Variants in RC3H2 observed in about 807,000 individuals in gnomAD.
RC3H2 encodes ring finger and CCCH-type domains 2, also known as roquin-2.
In RC3H2, 31 loss-of-function variants were observed where a neutral mutation model predicts 133.3. That is an observed-to-expected ratio of 0.23 (90% CI 0.17 to 0.31). The LOEUF (loss-of-function observed/expected upper bound fraction) is 0.31, where lower values mean the gene tolerates loss of function less well. Among genes scored for constraint, RC3H2 ranks in the 10% least tolerant of loss-of-function variants. The pLI is 1.00. For synonymous variants in RC3H2, 517 were observed against 502.2 expected (o/e 1.03, Z -0.40); for missense variants, 1,175 against 1,437.2 (o/e 0.82, Z 2.95).
At chr9:122,883,122 G>T in intron 5 of RC3H2, 82 bp downstream of exon 5, 1 of 1,270,766 alleles carries the variant, frequency 7.9e-7, no homozygotes, top group Non-Finnish European at 1.1e-6. Flanking sequence ...CATTGCTAGG[G>T]CCTCTAGACT....
chr9:122,868,056 C>T (rs2131418807), intron 9 of RC3H2, among the ~76,000 whole-genome samples: 1 of 129,302 alleles, frequency 7.7e-6, no homozygotes, highest in South Asian at 2.9e-4. Flanking sequence ...GCCGCTCCGT[C>T]CGGGAGGGAG....
chr9:122,889,122 T>C (rs2131482954), intron 4 of RC3H2, among the ~76,000 whole-genome samples: 1 of 152,314 alleles, frequency 6.6e-6, no homozygotes, highest in South Asian at 2.1e-4. Context: ...TAGTCCTCTG[T>C]GTATGTTTGT....
At chr9:122,899,228 A>G (rs1174107321) in intron 1 of RC3H2, among the ~76,000 whole-genome samples, 2 of 149,948 alleles carry the variant, frequency 1.3e-5, no homozygotes, top group African/African-American at 4.9e-5. Flanking sequence ...TTGGCCTCCC[A>G]AGTAACTGGG....
intron 9 of RC3H2, among the ~76,000 whole-genome samples, chr9:122,868,858 TG>T (rs1313508222): frequency 7.0e-4 from 12 of 17,244 alleles, no homozygotes; most frequent in Admixed American, 1.5e-3. Flanking sequence ...TGTGTGTGTG[TG>T]TGTGTGTGTG....
At chr9:122,853,709 G>T in intron 18 of RC3H2, 1 of 1,009,130 alleles carries the variant, frequency 9.9e-7, no homozygotes, top group Non-Finnish European at 1.4e-6. Context: ...CCAAGATCGT[G>T]CCATTGCACT....
At chr9:122,866,668 A>C (rs1468794846) in intron 9 of RC3H2, among the ~76,000 whole-genome samples, 2 of 151,996 alleles carry the variant, frequency 1.3e-5, no homozygotes, top group Non-Finnish European at 1.5e-5. Flanking sequence ...CGGCCTCCGG[A>C]GGTGCCGGGA....
rs1829863327 is a variant in RC3H2 at position 122,846,139 on chromosome 9, C to T, written c.*3488G>A. ...TTTGAAATTCCTACAAATTGCCGTG[C>T]ATCCTGTAATTTTCTCAAGGCAGCA... On this transcript the variant is annotated 3_prime_UTR_variant, in exon 21 of 21. Transcript: ENST00000357244. The T allele has an allele frequency of 6.6e-6, 1 of 152,122 alleles. No homozygotes were observed. The highest frequency in any genetic ancestry group is 2.1e-4 in the South Asian group (1 of 4,832). The allele number at this position is 152,122 out of a possible 1,614,324, so 9.4% of individuals were successfully genotyped here.
At chr9:122,891,439 G>A (rs533104008) in intron 3 of RC3H2, among the ~76,000 whole-genome samples, 2 of 152,192 alleles carry the variant, frequency 1.3e-5, no homozygotes, top group Admixed American at 1.3e-4. Context: ...CAATTGATCT[G>A]TTCACTACTT....
chr9:122,885,135 A>G (rs1831857508), intron 4 of RC3H2, among the ~76,000 whole-genome samples: 2 of 152,176 alleles, frequency 1.3e-5, no homozygotes, highest in South Asian at 4.1e-4. Context: ...AATGAATGTA[A>G]TATTGTTACA....
intron 12 of RC3H2, 50 bp downstream of exon 12, chr9:122,858,619 T>C: frequency 6.6e-7 from 1 of 1,514,526 alleles, no homozygotes; most frequent in Non-Finnish European, 9.0e-7. Context: ...GTGGTTTGAC[T>C]CCAGACACTG....
intron 8 of RC3H2, among the ~76,000 whole-genome samples, chr9:122,878,073 T>A (rs1320077819): frequency 6.6e-6 from 1 of 152,158 alleles, no homozygotes; most frequent in East Asian, 1.9e-4. Flanking sequence ...GTTCATACAA[T>A]GAGGCAGAAT....
intron 1 of RC3H2, among the ~76,000 whole-genome samples, chr9:122,899,850 C>A (rs1275351173): frequency 6.6e-6 from 1 of 152,166 alleles, no homozygotes; most frequent in Non-Finnish European, 1.5e-5. Flanking sequence ...ATAATGGCCA[C>A]CTGTTTGGAA....
intron 5 of RC3H2, among the ~76,000 whole-genome samples, chr9:122,882,139 A>G (rs1374626002): frequency 1.3e-5 from 2 of 152,226 alleles, no homozygotes; most frequent in Non-Finnish European, 2.9e-5. Flanking sequence ...AGAAATTATC[A>G]TCAGGGTATT....
chr9:122,875,781 A>G (rs1052436155), intron 9 of RC3H2, among the ~76,000 whole-genome samples: 2 of 152,180 alleles, frequency 1.3e-5, no homozygotes, highest in African/African-American at 4.8e-5. Flanking sequence ...CCACAAACTG[A>G]GAGAAGGTCA....
At chr9:122,878,460 T>C (rs1831440842) in intron 8 of RC3H2, among the ~76,000 whole-genome samples, 1 of 151,918 alleles carries the variant, frequency 6.6e-6, no homozygotes, top group South Asian at 2.1e-4. Flanking sequence ...TTAGTAGAGA[T>C]GGGGCTTCAC....
intron 9 of RC3H2, chr9:122,874,463 CATTATT>C (rs974095874): frequency 1.3e-5 from 2 of 151,950 alleles, no homozygotes; most frequent in Admixed American, 6.6e-5. Flanking sequence ...ATAATTTTGC[CATTATT>C]ATTATTTTTG....
At chr9:122,901,294 A>G (rs1588119043) in intron 1 of RC3H2, among the ~76,000 whole-genome samples, 1 of 152,348 alleles carries the variant, frequency 6.6e-6, no homozygotes, top group East Asian at 1.9e-4. Context: ...TTCCCCGTTT[A>G]GAAAACTTAA....
intron 10 of RC3H2, among the ~76,000 whole-genome samples, chr9:122,861,735 T>C (rs140117081): frequency 2.6e-5 from 4 of 152,222 alleles, no homozygotes; most frequent in African/African-American, 7.2e-5. Flanking sequence ...ATTTTAAAGG[T>C]AGGATATAAA....
chr9:122,864,743 C>T (rs1830575592), intron 10 of RC3H2, among the ~76,000 whole-genome samples: 1 of 151,998 alleles, frequency 6.6e-6, no homozygotes, highest in African/African-American at 2.4e-5. Flanking sequence ...ACCTCAGCCT[C>T]CTGAGTAGCT....
Sources: allele counts gnomAD v4.1 joint callset (sites outside exome capture counted in the v4.1 genomes callset), GRCh38; gene constraint gnomAD v4.1.1; transcripts MANE v1.5; gene names NCBI Gene and HGNC (gene_info 2026-07-23, HGNC 2026-07-21).